Variants in ACAT2 observed in about 807,000 individuals in gnomAD.
ACAT2 encodes the protein acetyl-CoA acetyltransferase 2.
A neutral mutation model predicts 37.1 loss-of-function variants in ACAT2; 26 were observed. The observed-to-expected ratio is 0.70, with a 90% CI of 0.51 to 0.97. The LOEUF is 0.97. Among genes scored for constraint, ACAT2 ranks in the 50% least tolerant of loss-of-function variants. The pLI is 0.00. For missense variants in ACAT2, 468 were observed against 489.0 expected (o/e 0.96, Z 0.40); for synonymous variants, 156 against 163.6 (o/e 0.95, Z 0.35).
At chr6:159,769,869 C>T (rs181594818) in intron 4 of ACAT2, among the ~76,000 whole-genome samples, 419 of 152,294 alleles carry the variant, frequency 2.8e-3, no homozygotes, top group Admixed American at 5.2e-3. Context: ...AAAGGTTCCC[C>T]TTAAGTCTTT....
In ACAT2 at chr6:159,763,088, A is replaced by G. The variant is rs778314625; in HGVS notation, c.190+35A>G. The G allele has an allele frequency of 5.0e-6, 8 of 1,592,142 alleles. No individual in the cohort carries two copies. The Admixed American group carries it at 8.7e-5, about 17-fold the overall frequency. On this transcript the variant is annotated intron_variant, in intron 2 of 8. Transcript: ENST00000367048. ...AGTGATTCCAGGAGAAGTCAGGCTT[A>G]TTAGAAACAGCCCATAAACACACAC...
intron 2 of ACAT2, among the ~76,000 whole-genome samples, chr6:159,764,098 C>T (rs941071665): frequency 6.6e-6 from 1 of 151,800 alleles, no homozygotes; most frequent in African/African-American, 2.4e-5. Flanking sequence ...GAGTGAGACT[C>T]CTTTTAAAAA....
intron 1 of ACAT2, 64 bp from the exon 2 acceptor site, chr6:159,762,855 C>G (rs1780175117): frequency 2.5e-6 from 4 of 1,597,020 alleles, no homozygotes; most frequent in Admixed American, 1.7e-5. Flanking sequence ...CTCCCCTGCT[C>G]GTAGGTGGTT....
chr6:159,762,696 T>A (rs1180517057), intron 1 of ACAT2: 1 of 1,511,542 alleles, frequency 6.6e-7, no homozygotes, highest in Non-Finnish European at 8.8e-7. Context: ...GCGGCGTCCC[T>A]AGGCCGTTCT....
At chr6:159,762,492 G>T (rs904591938) in intron 1 of ACAT2, 1 of 1,307,950 alleles carries the variant, frequency 7.6e-7, no homozygotes, top group East Asian at 3.6e-5. Context: ...AATGCCTGCG[G>T]CAGGGGCGGA....
intron 3 of ACAT2, among the ~76,000 whole-genome samples, chr6:159,768,183 A>T (rs566790661): frequency 4.6e-5 from 7 of 152,330 alleles, no homozygotes; most frequent in African/African-American, 1.4e-4. Context: ...AAGCCCTTAG[A>T]GGATTTCTTC....
chr6:159,772,878 C>G (rs930371098), intron 4 of ACAT2, among the ~76,000 whole-genome samples: 2 of 151,656 alleles, frequency 1.3e-5, no homozygotes, highest in Non-Finnish European at 2.9e-5. Context: ...AAAGCAATAA[C>G]TTTTTTGTGT....
At chr6:159,775,890 A>G in intron 5 of ACAT2, 1 of 371,650 alleles carries the variant, frequency 2.7e-6, no homozygotes, top group Non-Finnish European at 4.9e-6. Context: ...TGGCACAAAC[A>G]GGTCCCTGGT....
chr6:159,776,097 C>T, intron 5 of ACAT2, 53 bp from the exon 6 acceptor site: 2 of 1,590,692 alleles, frequency 1.3e-6, no homozygotes, highest in East Asian at 2.2e-5. Context: ...ATTCCCAGCA[C>T]ACTTACTTCT....
At position 159,777,458 on chromosome 6, in the gene ACAT2, T is replaced by C; in HGVS notation, c.912+2T>C. On this transcript the variant is annotated splice_donor_variant, in intron 7 of 8. Transcript: ENST00000367048. LOFTEE classifies it high-confidence loss of function. ...CCAATTCCAGCCATAAAGCAAGCTG[T>C]GAGTATAACCCTATTCCCTTTTATG... 6.2e-7 allele frequency: 1 copy of C among 1,612,776 alleles called. No homozygotes were observed. The highest frequency in any genetic ancestry group is 2.2e-5 in the East Asian group (1 of 44,882).
intron 4 of ACAT2, among the ~76,000 whole-genome samples, chr6:159,769,312 C>G (rs143016041): frequency 2.0e-5 from 3 of 152,168 alleles, no homozygotes; most frequent in African/African-American, 7.2e-5. Flanking sequence ...GACCACTTCT[C>G]GACTTACAGC....
rs1226002134 is a variant in ACAT2 at position 159,762,330 on chromosome 6, C to T, written c.55+188C>T. ...CCTGACCTGGTGCTACAGCCCCACC[C>T]TCTCCTCTCCCGATGTGCGCACTCC... On this transcript the variant is annotated intron_variant, in intron 1 of 8. Coordinates refer to ENST00000367048, the MANE Select transcript of ACAT2 (RefSeq NM_005891.3). 4.0e-5 allele frequency: 49 copies of T among 1,217,004 alleles called. 2 individuals carry two copies. The South Asian group carries it at 6.8e-4, about 17-fold the overall frequency. 75.4% of individuals were successfully genotyped at this position (1,217,004 alleles called of 1,614,324 possible). A position where few individuals can be genotyped will look rare whatever the true frequency, so the allele number is the denominator to read the frequency against.
Position 159,778,910 on chromosome 6 carries a change from A to T in ACAT2, c.*81A>T. On this transcript the variant is annotated 3_prime_UTR_variant, in exon 9 of 9. Coordinates refer to ENST00000367048, the MANE Select transcript of ACAT2 (RefSeq NM_005891.3). ...TGCAATATGTGAAATCAGAGGACCA[A>T]AGTACAGATGGAAACCATTTCCTAC... is the stretch of plus-strand genomic sequence containing the variant. 1 of 1,590,224 alleles carries T rather than the reference A, an allele frequency of 6.3e-7. No homozygotes were observed. Among genetic ancestry groups the T allele is most frequent in the East Asian group, 2.2e-5 (1 of 44,652 alleles).
Position 159,778,281 on chromosome 6 carries a change from GTA to G in ACAT2, c.1023+2_1023+3del, listed in dbSNP as rs775436734. 3 of 1,590,772 alleles carry G rather than the reference GTA, an allele frequency of 1.9e-6. No individual in the cohort carries two copies. Among genetic ancestry groups the G allele is most frequent in the Non-Finnish European group, 2.6e-6 (3 of 1,165,498 alleles). The stretch of plus-strand genomic sequence containing the variant: ...AGAACTTGGATTAAACCCAGAGAAG[GTA>G]AAGATGCACAAGTAACCCTGAGAGC... On this transcript the variant is annotated splice_donor_variant and splice_donor_region_variant and intron_variant, in intron 8 of 8. Coordinates refer to ENST00000367048, the MANE Select transcript of ACAT2 (RefSeq NM_005891.3). LOFTEE classifies it high-confidence loss of function.
intron 2 of ACAT2, among the ~76,000 whole-genome samples, chr6:159,763,545 CAAAA>C (rs1354996075): frequency 6.7e-6 from 1 of 149,592 alleles, no homozygotes. Flanking sequence ...TCTAAACAAA[CAAAA>C]AGACTTAGCT....
At chr6:159,763,787 C>T (rs1583122894) in intron 2 of ACAT2, among the ~76,000 whole-genome samples, 1 of 150,156 alleles carries the variant, frequency 6.7e-6, no homozygotes, top group East Asian at 2.0e-4. Context: ...CTACAGGCGG[C>T]CCACTGCCTT....
chr6:159,775,410 G>T (rs966792537), intron 5 of ACAT2, 97 bp downstream of exon 5: 3 of 1,425,948 alleles, frequency 2.1e-6, no homozygotes, highest in Middle Eastern at 1.9e-4. Flanking sequence ...TTATATCTTA[G>T]TTATGTTTTT....
At chr6:159,776,422 T>G in intron 6 of ACAT2, 150 bp downstream of exon 6, 3 of 1,013,964 alleles carry the variant, frequency 3.0e-6, no homozygotes, top group Non-Finnish European at 4.1e-6. Flanking sequence ...AATATGATCA[T>G]TGCTCACTTG....
chr6:159,778,938 C>T lies in ACAT2; in HGVS notation c.*109C>T, dbSNP rs1780502626. 9 of 1,558,678 alleles carry T rather than the reference C, an allele frequency of 5.8e-6. No individual in the cohort carries two copies. The highest frequency in any genetic ancestry group is 7.0e-6 in the Non-Finnish European group (8 of 1,146,838). The stretch of plus-strand genomic sequence containing the variant: ...TACAGATGGAAACCATTTCCTACAT[C>T]ACAAAAACCCAAGTTTACAGCTTGT... On this transcript the variant is annotated 3_prime_UTR_variant, in exon 9 of 9. Transcript: ENST00000367048.
Sources: gnomAD v4.1 joint callset for allele counts (sites outside exome capture counted in the v4.1 genomes callset) on GRCh38, gnomAD v4.1.1 for gene constraint, MANE v1.5 for transcripts, NCBI Gene and HGNC (gene_info 2026-07-23, HGNC 2026-07-21) for gene names.